COA4: variants seen among roughly 807,000 people sequenced by gnomAD.
COA4 encodes cytochrome c oxidase assembly factor 4 homolog, mitochondrial.
In COA4, 8 loss-of-function variants were observed where a neutral mutation model predicts 7.3. The observed-to-expected ratio is 1.10, with a 90% CI of 0.64 to 1.98. COA4 has a LOEUF of 1.98. COA4 is among the 30% of genes most tolerant of loss of function. The pLI is 0.00. For synonymous variants in COA4, 42 were observed against 44.3 expected, an observed-to-expected ratio of 0.95 and a Z score of 0.21; for missense variants, 96 against 111.2, an observed-to-expected ratio of 0.86 and a Z score of 0.62.
In COA4 at chr11:73,873,144, TCCTCTGCAGCTCCTCTTGCCG is replaced by T; in HGVS notation, c.214_234del (p.Glu75_Glu81del). 6.2e-7 allele frequency: 1 copy of T among 1,612,010 alleles called. No homozygotes were observed. The highest frequency in any genetic ancestry group is 8.5e-7 in the Non-Finnish European group (1 of 1,178,488). ...TGGTGGGCACCGGCTTGTTCTTGCC[TCCTCTGCAGCTCCTCTTGCCG>T]CCTCGCCTGCTGTTCACTCATGCAA... On this transcript the variant is annotated inframe_deletion, in exon 2 of 2. Transcript: ENST00000355693.
In COA4 at chr11:73,872,875, C is replaced by A. The variant is rs1440695834; in HGVS notation, c.*240G>T. The stretch of plus-strand genomic sequence containing the variant: ...GTGGGGGAGCATCCCTTAACACATT[C>A]TTTGTTTTCCTGGTAAATACTGGTG... On this transcript the variant is annotated 3_prime_UTR_variant, in exon 2 of 2. Transcript: ENST00000355693. 2 of 526,090 alleles carry A rather than the reference C, an allele frequency of 3.8e-6. No individual in the cohort carries two copies. The highest frequency in any genetic ancestry group is 6.1e-5 in the East Asian group (2 of 32,672). The allele number at this position is 526,090 out of a possible 1,614,324, so 32.6% of individuals were successfully genotyped here.
chr11:73,873,640 G>T, intron 1 of COA4: 1 of 537,742 alleles, frequency 1.9e-6, no homozygotes, highest in Non-Finnish European at 3.2e-6. Context: ...TCCCTCCCTG[G>T]CCAGAGTAGC....
intron 1 of COA4, chr11:73,873,851 A>C (rs1479489141): frequency 6.0e-6 from 1 of 167,734 alleles, no homozygotes; most frequent in African/African-American, 2.4e-5. Flanking sequence ...TTGTGCCCCC[A>C]GCACTAGGCC....
chr11:73,876,651 G>C (rs1948750245), intron 1 of COA4, 106 bp downstream of exon 1: 2 of 183,198 alleles, frequency 1.1e-5, no homozygotes. Flanking sequence ...CGCCTCAGGC[G>C]TATCGAGGAC....
rs572039968 is a variant in COA4, at chr11:73,873,148, C to G, written c.231G>C (p.Gln77His). ...EQQARRQEEL[Q>H]RRQEQAGAHH ...GGGCACCGGCTTGTTCTTGCCTCCTCTGCAGCTCCTCTTGCCGCCTCGCCT... is the reference window on the plus strand; with the variant it reads ...GGGCACCGGCTTGTTCTTGCCTCCTGTGCAGCTCCTCTTGCCGCCTCGCCT... The change falls in exon 2 of 2, where the codon CAG becomes CAC. Residue 77 changes from glutamine to histidine, a missense_variant. Physicochemically the swap from Gln to His is conservative, Grantham distance 24 (BLOSUM62 0). Transcript: ENST00000355693. 1 of 1,612,920 alleles carries G rather than the reference C, an allele frequency of 6.2e-7. No individual in the cohort carries two copies. Among genetic ancestry groups the G allele is most frequent in the African/African-American group, 1.3e-5 (1 of 75,060 alleles).
intron 1 of COA4, chr11:73,873,784 G>A (rs1591022668): frequency 4.9e-6 from 1 of 204,988 alleles, no homozygotes; most frequent in Non-Finnish European, 9.9e-6. Flanking sequence ...CACCCAAAAT[G>A]CTGGGATTAC....
rs1948704376 is a variant in COA4 at position 73,872,999 on chromosome 11, A to T, written c.*116T>A. 4 of 1,389,032 alleles carry T rather than the reference A, an allele frequency of 2.9e-6. No individual in the cohort carries two copies. Among genetic ancestry groups the T allele is most frequent in the Non-Finnish European group, 2.9e-6 (3 of 1,036,406 alleles). 86.0% of individuals were successfully genotyped at this position (1,389,032 alleles called of 1,614,324 possible). ...CCCATGGCTCTCAACTCCAGATCCA[A>T]AAACTCTCCCCATGTTTTAGACCTC... On this transcript the variant is annotated 3_prime_UTR_variant, in exon 2 of 2. Coordinates refer to ENST00000355693, the MANE Select transcript of COA4 (RefSeq NM_016565.3).
rs775770178 is a variant in COA4 at position 73,873,353 on chromosome 11, T to C, written c.26A>G (p.His9Arg). 8.1e-6 allele frequency: 13 copies of C among 1,614,070 alleles called. No individual in the cohort carries two copies. The Admixed American group carries it at 2.2e-4, about 27-fold the overall frequency. The change falls in exon 2 of 2, where the codon CAT becomes CGT. Residue 9 changes from histidine (H) to arginine (R), a missense_variant. Transcript: ENST00000355693. MSTSVPQG[H>R]TWTQRVKKDD... The stretch of plus-strand genomic sequence containing the variant: ...TTTCTTCACCCGTTGGGTCCAGGTA[T>C]GGCCTTGAGGGACTGAGGTTGACAT...
chr11:73,873,054 A>G lies in COA4; in HGVS notation c.*61T>C. The G allele has an allele frequency of 6.6e-7, 1 of 1,521,474 alleles. No individual in the cohort carries two copies. The allele number at this position is 1,521,474 out of a possible 1,614,324, so 94.2% of individuals were successfully genotyped here. ...ACCAGCATTTAGGATTTCTTCCTCT[A>G]TAATCTTGCTGGGTGCTGGTCTTGG... On this transcript the variant is annotated 3_prime_UTR_variant, in exon 2 of 2. Coordinates refer to ENST00000355693, the MANE Select transcript of COA4 (RefSeq NM_016565.3).
intron 1 of COA4, among the ~76,000 whole-genome samples, chr11:73,874,817 C>G (rs904863325): frequency 3.3e-5 from 5 of 152,054 alleles, no homozygotes; most frequent in Non-Finnish European, 5.9e-5. Flanking sequence ...GAAACCCCGT[C>G]TCTACTAAAA....
chr11:73,874,751 C>T (rs1948722501), intron 1 of COA4, among the ~76,000 whole-genome samples: 1 of 152,044 alleles, frequency 6.6e-6, no homozygotes, highest in Non-Finnish European at 1.5e-5. Context: ...AATTTGGGAG[C>T]CCGAGGCAGA....
At chr11:73,874,061 T>TACA (rs1948716529) in intron 1 of COA4, among the ~76,000 whole-genome samples, 2 of 152,140 alleles carry the variant, frequency 1.3e-5, no homozygotes, top group Non-Finnish European at 2.9e-5. Context: ...ACACCTGTAA[T>TACA]CCTAGCATTA....
In COA4 at chr11:73,873,196, G is replaced by T; in HGVS notation, c.183C>A (p.Phe61Leu). ...CCTGCTGTTCACTCATGCAATCCTTGAACGCCTGCACCTGTGGCTGGCATT... is the reference window on the plus strand; with the variant it reads ...CCTGCTGTTCACTCATGCAATCCTTTAACGCCTGCACCTGTGGCTGGCATT... Reference protein sequence around the residue: ...WRQCQPQVQAFKDCMSEQQAR... With the variant: ...WRQCQPQVQALKDCMSEQQAR... Residue 61 changes from phenylalanine (F) to leucine (L), a missense_variant, in exon 2 of 2, where the codon TTC (phenylalanine) becomes TTA (leucine). Phe to Leu is a conservative substitution (Grantham distance 22). Coordinates refer to ENST00000355693, the MANE Select transcript of COA4 (RefSeq NM_016565.3). 4 of 1,614,158 alleles carry T rather than the reference G, an allele frequency of 2.5e-6. No homozygotes were observed. Among genetic ancestry groups the T allele is most frequent in the Non-Finnish European group, 3.4e-6 (4 of 1,180,036 alleles).
rs892293345 is a variant in COA4 at position 73,876,738 on chromosome 11, C to A, written c.-17+19G>T. 2 of 318,538 alleles carry A rather than the reference C, an allele frequency of 6.3e-6. No homozygotes were observed. Among genetic ancestry groups the A allele is most frequent in the Non-Finnish European group, 1.1e-5 (2 of 175,118 alleles). 19.7% of individuals were successfully genotyped at this position (318,538 alleles called of 1,614,324 possible). On this transcript the variant is annotated intron_variant, in intron 1 of 1. Coordinates refer to ENST00000355693, the MANE Select transcript of COA4 (RefSeq NM_016565.3). Reference sequence around the variant, plus strand: ...TGTGCCCGCAACGCCTCCTGAAGAACGCGGTACGCGATGCTCACCGAACAG... The same window carrying A: ...TGTGCCCGCAACGCCTCCTGAAGAAAGCGGTACGCGATGCTCACCGAACAG...
intron 1 of COA4, among the ~76,000 whole-genome samples, chr11:73,874,918 G>A (rs1251881515): frequency 2.0e-5 from 3 of 151,932 alleles, no homozygotes; most frequent in Admixed American, 6.6e-5. Flanking sequence ...CCCAAGGGGC[G>A]GAGGTTGTAG....
chr11:73,876,833 CTG>C lies in COA4; in HGVS notation c.-95_-94del, dbSNP rs1948755308. 3.6e-6 allele frequency: 2 copies of C among 562,858 alleles called. No homozygotes were observed. The highest frequency in any genetic ancestry group is 6.9e-5 in the South Asian group (2 of 28,818). 34.9% of individuals were successfully genotyped at this position (562,858 alleles called of 1,614,324 possible). On this transcript the variant is annotated 5_prime_UTR_variant, in exon 1 of 2. The change creates a premature stop within an existing upstream ORF in the 5' untranslated region. Transcript: ENST00000355693. ...GGTTTCGCAGGCGGTTGGGGATCCT[CTG>C]TACATCCTTTCAGGAACCAGCCCCT...
At chr11:73,876,519 C>T (rs1162696526) in intron 1 of COA4, 1 of 152,592 alleles carries the variant, frequency 6.6e-6, no homozygotes, top group East Asian at 1.9e-4. Flanking sequence ...TGACGACGAC[C>T]CCTGCTCAGA....
chr11:73,874,432 G>A (rs1281885484), intron 1 of COA4: 3 of 151,426 alleles, frequency 2.0e-5, no homozygotes, highest in African/African-American at 7.3e-5. Context: ...TGGGCAATAA[G>A]AGCAAAACTC....
intron 1 of COA4, chr11:73,876,500 G>A (rs576929551): frequency 6.6e-6 from 1 of 152,590 alleles, no homozygotes; most frequent in Non-Finnish European, 1.5e-5. Context: ...AGTCTCCTCT[G>A]GAGTAAAATG....
Sources: gnomAD v4.1 joint callset for allele counts (sites outside exome capture counted in the v4.1 genomes callset) on GRCh38, gnomAD v4.1.1 for gene constraint, MANE v1.5 for transcripts, NCBI Gene and HGNC (gene_info 2026-07-23, HGNC 2026-07-21) for gene names.